BANP: variants seen among roughly 807,000 people sequenced by gnomAD.
BANP encodes the protein BTG3 associated nuclear protein.
BANP carries 11 observed loss-of-function variants against 68.1 expected under a neutral mutation model. That is an observed-to-expected ratio of 0.16 (90% CI 0.10 to 0.27). The LOEUF (loss-of-function observed/expected upper bound fraction) is 0.27. BANP is among the 10% of genes least tolerant of loss of function. BANP has a pLI of 1.00. For synonymous variants in BANP, 329 were observed against 303.2 expected (o/e 1.09, Z -0.88); for missense variants, 504 against 722.7 (o/e 0.70, Z 3.47).
At position 87,974,668 on chromosome 16, in the gene BANP, GC is replaced by G. The variant is rs2061696492; in HGVS notation, c.-68-376del. ...GTGTGGTGAGTGTAGCAGGGCTGAGGCCCCTTGGGAGCAGGAAGCGACAGAG... is the reference window on the plus strand; with the variant it reads ...GTGTGGTGAGTGTAGCAGGGCTGAGGCCCTTGGGAGCAGGAAGCGACAGAG... On this transcript the variant is annotated intron_variant, in intron 1 of 13. Coordinates refer to ENST00000682872, the MANE Select transcript of BANP (RefSeq NM_001386991.1). Among the ~76,000 whole-genome samples, 3 of 152,272 alleles carry G rather than the reference GC, an allele frequency of 2.0e-5. No individual in the cohort carries two copies. The South Asian group carries it at 6.2e-4, about 32-fold the overall frequency.
chr16:88,072,147 G>A lies in BANP; in HGVS notation c.1456G>A (p.Gly486Ser). 1.9e-6 allele frequency: 3 copies of A among 1,611,430 alleles called. No homozygotes were observed. Among genetic ancestry groups the A allele is most frequent in the Non-Finnish European group, 2.5e-6 (3 of 1,179,616 alleles). The change falls in exon 13 of 14, where the codon GGC becomes AGC. Residue 486 changes from glycine to serine, a missense_variant. Gly to Ser is a moderately conservative substitution (Grantham distance 56). This residue lies in a region of BANP where 223 missense variants were observed against 246.2 expected (regional missense o/e 0.91). Coordinates refer to ENST00000682872, the MANE Select transcript of BANP (RefSeq NM_001386991.1). Reference protein sequence around the residue: ...AAGVDGSPLQGSDIQVQYVQL... With the variant: ...AAGVDGSPLQSSDIQVQYVQL... Reference sequence around the variant, plus strand: ...GGGCGTGGATGGGTCGCCACTCCAGGGCAGCGACATCCAGGTTCAGTACGT... The same window carrying A: ...GGGCGTGGATGGGTCGCCACTCCAGAGCAGCGACATCCAGGTTCAGTACGT...
chr16:87,976,905 A>C (rs1226069576), intron 2 of BANP, among the ~76,000 whole-genome samples: 3 of 152,266 alleles, frequency 2.0e-5, no homozygotes, highest in Non-Finnish European at 4.4e-5. Context: ...TTTAGAAAAC[A>C]TAACACTGTA....
chr16:88,034,220 A>G (rs1463612688), intron 9 of BANP, among the ~76,000 whole-genome samples: 3 of 152,190 alleles, frequency 2.0e-5, no homozygotes, highest in Non-Finnish European at 4.4e-5. Flanking sequence ...AGTGAATCTT[A>G]TTTAATAAGC....
upstream of BANP, chr16:87,949,733 A>C (rs551862018): frequency 4.7e-5 from 7 of 148,816 alleles, no homozygotes; most frequent in Non-Finnish European, 1.0e-4. Context: ...GGAACCTCCA[A>C]GCCTAATTCT....
chr16:88,061,344 T>A (rs1255539303), intron 11 of BANP, among the ~76,000 whole-genome samples: 2 of 152,218 alleles, frequency 1.3e-5, no homozygotes, highest in African/African-American at 4.8e-5. Context: ...AAACGTTGGA[T>A]CAGTTGACTT....
rs1298667785 is a variant in BANP, at chr16:88,016,593, G to A, written c.656-1835G>A. Reference sequence around the variant, plus strand: ...TAGACCCAGCGCCAGGCCCTTGGGTGTCCCGTAAGGATTCGTAGATACATT... The same window carrying A: ...TAGACCCAGCGCCAGGCCCTTGGGTATCCCGTAAGGATTCGTAGATACATT... On this transcript the variant is annotated intron_variant, in intron 6 of 13. Coordinates refer to ENST00000682872, the MANE Select transcript of BANP (RefSeq NM_001386991.1). Among the ~76,000 whole-genome samples the A allele has an allele frequency of 2.6e-5, 4 of 152,356 alleles. No individual in the cohort carries two copies. The South Asian group carries it at 8.3e-4, about 32-fold the overall frequency.
chr16:88,028,471 G>C (rs1177211633), intron 8 of BANP, among the ~76,000 whole-genome samples: 1 of 152,202 alleles, frequency 6.6e-6, no homozygotes, highest in East Asian at 1.9e-4. Context: ...GGGCTGTTTT[G>C]GTAGTTATCA....
upstream of BANP, among the ~76,000 whole-genome samples, chr16:87,951,190 G>GAGGTGATTGTTCTC (rs1323476835): frequency 6.6e-6 from 1 of 152,242 alleles, no homozygotes; most frequent in African/African-American, 2.4e-5. Context: ...ACCGTCCACT[G>GAGGTGATTGTTCTC]AGGTGATTGT....
At chr16:88,067,784 T>G (rs1387970280) in intron 12 of BANP, among the ~76,000 whole-genome samples, 1 of 152,010 alleles carries the variant, frequency 6.6e-6, no homozygotes, top group Non-Finnish European at 1.5e-5. Context: ...CACCCCAGGG[T>G]AAACCCCAGG....
At chr16:87,999,471 TCCAGACAC>T (rs1481168568) in intron 4 of BANP, among the ~76,000 whole-genome samples, 1 of 9,900 alleles carries the variant, frequency 1.0e-4, no homozygotes. Flanking sequence ...TACCTGTCCT[TCCAGACAC>T]CCAGACACGT....
At chr16:88,056,450 GTA>G (rs2085045904) in intron 11 of BANP, among the ~76,000 whole-genome samples, 1 of 138,196 alleles carries the variant, frequency 7.2e-6, no homozygotes, top group Admixed American at 7.5e-5. Context: ...GCTGGGAAGC[GTA>G]TTCTCTCTCT....
chr16:88,050,957 G>T (rs952393066), intron 11 of BANP, among the ~76,000 whole-genome samples: 1 of 152,200 alleles, frequency 6.6e-6, no homozygotes, highest in Non-Finnish European at 1.5e-5. Flanking sequence ...AAAGTGCTAG[G>T]ATTATGGATG....
chr16:88,074,805 G>C (rs1238591438), intron 13 of BANP, among the ~76,000 whole-genome samples: 2 of 152,304 alleles, frequency 1.3e-5, no homozygotes, highest in East Asian at 3.9e-4. Context: ...CTGTGGCCGG[G>C]CTCGCAGGAG....
At chr16:88,046,045 C>G (rs1476175287) in intron 11 of BANP, among the ~76,000 whole-genome samples, 8 of 152,242 alleles carry the variant, frequency 5.3e-5, no homozygotes, top group Non-Finnish European at 8.8e-5. Context: ...GGTGCACATC[C>G]TCAAAAACTG....
At chr16:88,027,760 A>T in intron 8 of BANP, 110 bp downstream of exon 8, 1 of 1,326,078 alleles carries the variant, frequency 7.5e-7, no homozygotes, top group Non-Finnish European at 1.0e-6. Context: ...AGTGGCCGGG[A>T]GCCGAGGCCA....
chr16:88,015,612 C>T (rs1490908917), intron 6 of BANP, among the ~76,000 whole-genome samples: 1 of 152,232 alleles, frequency 6.6e-6, no homozygotes. Context: ...TGGGGTCACC[C>T]GTTCTCGTCT....
intron 1 of BANP, among the ~76,000 whole-genome samples, chr16:87,958,202 C>CT (rs1294922275): frequency 6.6e-6 from 1 of 152,168 alleles, no homozygotes; most frequent in Non-Finnish European, 1.5e-5. Flanking sequence ...TTCTTGAACT[C>CT]TGAGTCCCTA....
chr16:87,995,045 C>G (rs1379817708), intron 4 of BANP, among the ~76,000 whole-genome samples: 1 of 151,876 alleles, frequency 6.6e-6, no homozygotes, highest in African/African-American at 2.4e-5. Flanking sequence ...CTTGGGGGTC[C>G]TCAGTCTGGG....
chr16:88,034,257 G>A (rs1329074690), intron 9 of BANP, among the ~76,000 whole-genome samples: 6 of 152,298 alleles, frequency 3.9e-5, no homozygotes, highest in Non-Finnish European at 5.9e-5. Flanking sequence ...CATTCACAAC[G>A]GCAGTTCCTC....
Sources: gnomAD v4.1 joint callset for allele counts (sites outside exome capture counted in the v4.1 genomes callset) on GRCh38, gnomAD v4.1.1 for gene constraint, gnomAD v4.1.1 regional missense constraint, MANE v1.5 for transcripts, NCBI Gene and HGNC (gene_info 2026-07-23, HGNC 2026-07-21) for gene names.